Variants in CCNB1IP1 observed in about 807,000 individuals in gnomAD.
CCNB1IP1 encodes cyclin B1 interacting protein 1.
In CCNB1IP1, 14 loss-of-function variants were observed where a neutral mutation model predicts 25.6. That is an observed-to-expected ratio of 0.55 (90% confidence interval 0.36 to 0.85). The LOEUF (loss-of-function observed/expected upper bound fraction) is 0.85. Among genes scored for constraint, CCNB1IP1 ranks in the 40% least tolerant of loss-of-function variants. The pLI, the probability that CCNB1IP1 is intolerant of heterozygous loss-of-function variation, is 0.01. For missense variants in CCNB1IP1, 278 were observed against 342.4 expected (o/e 0.81, Z 1.48); for synonymous variants, 119 against 116.1 (o/e 1.02, Z -0.16).
At chr14:20,327,367 A>G (rs1222011494) in intron 2 of CCNB1IP1, among the ~76,000 whole-genome samples, 2 of 151,776 alleles carry the variant, frequency 1.3e-5, no homozygotes, top group Non-Finnish European at 2.9e-5. Context: ...TTTAACCTTT[A>G]CTCTTCGTAA....
chr14:20,313,410 A>G, intron 6 of CCNB1IP1, 58 bp downstream of exon 6: 4 of 1,328,606 alleles, frequency 3.0e-6, no homozygotes, highest in South Asian at 1.4e-5. Context: ...AAGTGGGCAG[A>G]GCAGTATAAA....
At chr14:20,311,880 CAG>C (rs981170374) in intron 6 of CCNB1IP1, 128 bp from the exon 7 acceptor site, 1 of 535,460 alleles carries the variant, frequency 1.9e-6, no homozygotes, top group African/African-American at 2.0e-5. Context: ...TAGAAAAAAA[CAG>C]ACATATAAAA....
intron 4 of CCNB1IP1, among the ~76,000 whole-genome samples, chr14:20,317,113 C>T (rs1204479489): frequency 1.3e-5 from 2 of 151,738 alleles, no homozygotes; most frequent in Admixed American, 6.6e-5. Context: ...TCTCTCATAA[C>T]ATGTATATAT....
intron 6 of CCNB1IP1, 66 bp downstream of exon 6, chr14:20,313,402 G>A (rs752342003): frequency 4.9e-5 from 61 of 1,252,510 alleles, no homozygotes; most frequent in Non-Finnish European, 6.2e-5. Context: ...ATGCTTGGAA[G>A]TGGGCAGAGC....
intron 6 of CCNB1IP1, among the ~76,000 whole-genome samples, chr14:20,312,342 A>G (rs534345933): frequency 8.5e-5 from 13 of 152,188 alleles, no homozygotes; most frequent in South Asian, 4.1e-4. Flanking sequence ...TTTTATTCTT[A>G]TATCTGATAT....
intron 4 of CCNB1IP1, among the ~76,000 whole-genome samples, chr14:20,322,622 A>ATTTTT (rs35143753): frequency 7.0e-6 from 1 of 142,676 alleles, no homozygotes; most frequent in Non-Finnish European, 1.5e-5. Flanking sequence ...TATATATATA[A>ATTTTT]TTTTTTTTTT....
chr14:20,312,092 C>T (rs1462078665), intron 6 of CCNB1IP1, among the ~76,000 whole-genome samples: 1 of 151,950 alleles, frequency 6.6e-6, no homozygotes, highest in East Asian at 1.9e-4. Context: ...TTTTAAAGGA[C>T]CAAATAACTA....
At chr14:20,328,151 C>T (rs912228671) in intron 2 of CCNB1IP1, among the ~76,000 whole-genome samples, 2 of 152,112 alleles carry the variant, frequency 1.3e-5, no homozygotes, top group African/African-American at 4.8e-5. Flanking sequence ...TTTTACAACC[C>T]CCTATTTACA....
chr14:20,316,141 A>G, intron 5 of CCNB1IP1, 86 bp downstream of exon 5: 1 of 1,173,304 alleles, frequency 8.5e-7, no homozygotes, highest in Non-Finnish European at 1.2e-6. Flanking sequence ...TAAAAAATTA[A>G]TAATAATACA....
At chr14:20,312,386 CTT>C (rs1009860978) in intron 6 of CCNB1IP1, among the ~76,000 whole-genome samples, 1 of 147,264 alleles carries the variant, frequency 6.8e-6, no homozygotes, top group African/African-American at 2.5e-5. Flanking sequence ...TGCCCCCCAC[CTT>C]TTTTTTTTGT....
intron 4 of CCNB1IP1, among the ~76,000 whole-genome samples, chr14:20,318,771 T>C (rs959908810): frequency 3.3e-5 from 5 of 152,184 alleles, no homozygotes; most frequent in African/African-American, 1.2e-4. Flanking sequence ...TGAAGCTTTT[T>C]TTTCTTTTCC....
intron 4 of CCNB1IP1, chr14:20,320,492 A>G (rs539883474): frequency 5.2e-5 from 16 of 304,880 alleles, no homozygotes; most frequent in Non-Finnish European, 7.4e-5. Flanking sequence ...TTTATTGGCT[A>G]TAAAAAAACA....
At chr14:20,317,902 C>G (rs976991576) in intron 4 of CCNB1IP1, 1 of 152,256 alleles carries the variant, frequency 6.6e-6, no homozygotes, top group Non-Finnish European at 1.5e-5. Flanking sequence ...TACGCCAGAG[C>G]GCGCATGCGT....
chr14:20,323,250 A>G (rs1406126673), intron 4 of CCNB1IP1: 1 of 152,204 alleles, frequency 6.6e-6, no homozygotes, highest in Non-Finnish European at 1.5e-5. Context: ...CCCTGAGTGA[A>G]GATAAGCCAT....
At chr14:20,323,575 C>CAA (rs796446195) in intron 4 of CCNB1IP1, among the ~76,000 whole-genome samples, 34 of 128,822 alleles carry the variant, frequency 2.6e-4, no homozygotes, top group Middle Eastern at 8.5e-3. Flanking sequence ...GTCCCTGTCT[C>CAA]AAAAAAAAAA....
At chr14:20,314,672 G>C (rs1882617456) in intron 5 of CCNB1IP1, 1 of 152,078 alleles carries the variant, frequency 6.6e-6, no homozygotes, top group African/African-American at 2.4e-5. Flanking sequence ...AAAAAGACAA[G>C]CCACAGATCA....
intron 2 of CCNB1IP1, among the ~76,000 whole-genome samples, chr14:20,327,870 T>C (rs1004489602): frequency 2.0e-5 from 3 of 152,120 alleles, no homozygotes; most frequent in Admixed American, 2.0e-4. Flanking sequence ...AAAGAGTGGG[T>C]CACAAGTGGA....
intron 5 of CCNB1IP1, chr14:20,315,695 CTT>C: frequency 2.5e-6 from 3 of 1,222,862 alleles, no homozygotes; most frequent in Non-Finnish European, 3.2e-6. Flanking sequence ...ATTTTAATAA[CTT>C]GGAAATAAAT....
chr14:20,315,559 TAAC>T lies in CCNB1IP1; in HGVS notation c.297+665_297+667del, dbSNP rs1408557954. The stretch of plus-strand genomic sequence containing the variant: ...GAAGTATAAGTGTATATGTAAGATA[TAAC>T]AATACATTCAAGGACATGCTTAAAG... On this transcript the variant is annotated intron_variant, in intron 5 of 6. Coordinates refer to ENST00000358932, the MANE Select transcript of CCNB1IP1 (RefSeq NM_021178.5). The T allele has an allele frequency of 4.0e-6, 5 of 1,265,302 alleles. No homozygotes were observed. In the African/African-American group the frequency reaches 6.2e-5, roughly 16 times the overall value. The allele number at this position is 1,265,302 out of a possible 1,614,324, so 78.4% of individuals were successfully genotyped here. A position where few individuals can be genotyped will look rare whatever the true frequency, so the allele number is the denominator to read the frequency against.
Sources: allele counts gnomAD v4.1 joint callset (sites outside exome capture counted in the v4.1 genomes callset), GRCh38; gene constraint gnomAD v4.1.1; transcripts MANE v1.5; gene names NCBI Gene and HGNC (gene_info 2026-07-23, HGNC 2026-07-21).